ANKRD30A: variants seen among roughly 807,000 people sequenced by gnomAD.
ANKRD30A encodes ankyrin repeat domain 30A, also known as ankyrin repeat domain-containing protein 30A.
A neutral mutation model predicts 166.3 loss-of-function variants in ANKRD30A; 170 were observed. The ratio of observed to expected loss-of-function variants is 1.02; its 90% CI spans 0.90 to 1.16. The LOEUF (loss-of-function observed/expected upper bound fraction) is 1.16, where lower values mean the gene tolerates loss of function less well. Among genes scored for constraint, ANKRD30A ranks in the 50% most tolerant of loss-of-function variants. The pLI is 0.00. For synonymous variants in ANKRD30A, 564 were observed against 508.9 expected, an observed-to-expected ratio of 1.11 and a Z score of -1.46; for missense variants, 1,630 against 1,518.0, an observed-to-expected ratio of 1.07 and a Z score of -1.23.
chr10:37,128,416 A>G (rs1269111193), intron 1 of ANKRD30A, among the ~76,000 whole-genome samples: 2 of 151,970 alleles, frequency 1.3e-5, no homozygotes, highest in East Asian at 3.8e-4. Context: ...AACTTTTAGC[A>G]TCTTCAGAAG....
At chr10:37,264,093 T>G in the ANKRD30A span, among the ~76,000 whole-genome samples, 4 of 152,000 alleles carry the variant, frequency 2.6e-5, no homozygotes, top group African/African-American at 9.7e-5. Flanking sequence ...TTAAAAACAG[T>G]TTTTGCAAAT....
At chr10:37,183,194 GTCC>G (rs1840151602) in intron 24 of ANKRD30A, among the ~76,000 whole-genome samples, 1 of 149,106 alleles carries the variant, frequency 6.7e-6, no homozygotes, top group Non-Finnish European at 1.5e-5. Flanking sequence ...AATTGGAAAA[GTCC>G]TACTTTCCAA....
intron 11 of ANKRD30A, among the ~76,000 whole-genome samples, chr10:37,150,587 A>G (rs116106494): frequency 0.02 from 3,042 of 152,162 alleles, 89 homozygotes; most frequent in African/African-American, 0.068. Flanking sequence ...TTCAACTTCT[A>G]ATGCATACAT....
intron 19 of ANKRD30A, among the ~76,000 whole-genome samples, chr10:37,167,481 C>G (rs576796201): frequency 4.8e-4 from 73 of 151,346 alleles, no homozygotes; most frequent in Non-Finnish European, 8.4e-4. Context: ...AACCATAAAA[C>G]TCTGAATTTA....
chr10:37,197,954 TTA>T (rs1225682603), intron 29 of ANKRD30A, among the ~76,000 whole-genome samples: 2 of 151,854 alleles, frequency 1.3e-5, no homozygotes, highest in Non-Finnish European at 2.9e-5. Context: ...CTCTGTGTGT[TTA>T]TGTGTGTGTG....
intron 31 of ANKRD30A, among the ~76,000 whole-genome samples, chr10:37,205,009 A>G (rs1841897480): frequency 6.6e-6 from 1 of 152,158 alleles, no homozygotes; most frequent in Non-Finnish European, 1.5e-5. Context: ...TGGGAGTGTA[A>G]ACTAGTTCAA....
chr10:37,224,037 A>G (rs1588956543), intron 34 of ANKRD30A, among the ~76,000 whole-genome samples: 2 of 151,492 alleles, frequency 1.3e-5, no homozygotes, highest in East Asian at 3.9e-4. Flanking sequence ...TTGATAATTA[A>G]ACAAATTATT....
chr10:37,241,657 A>T, the ANKRD30A span, among the ~76,000 whole-genome samples: 2 of 152,136 alleles, frequency 1.3e-5, no homozygotes, highest in Non-Finnish European at 2.9e-5. Flanking sequence ...TCATTTTGGT[A>T]TATTAGTACT....
At chr10:37,161,257 T>G (rs549172770) in intron 15 of ANKRD30A, among the ~76,000 whole-genome samples, 26 of 152,124 alleles carry the variant, frequency 1.7e-4, no homozygotes, top group African/African-American at 3.6e-4. Flanking sequence ...AGACATAACA[T>G]GGTCAGGAGA....
intron 31 of ANKRD30A, among the ~76,000 whole-genome samples, chr10:37,210,566 A>G (rs1371127536): frequency 1.3e-5 from 2 of 152,102 alleles, no homozygotes; most frequent in Non-Finnish European, 2.9e-5. Flanking sequence ...TGGTTGAACT[A>G]ATTTTCACTC....
chr10:37,126,971 C>T (rs1217262390), intron 1 of ANKRD30A, among the ~76,000 whole-genome samples: 1 of 135,670 alleles, frequency 7.4e-6, no homozygotes, highest in South Asian at 2.4e-4. Context: ...CGCTTGAACC[C>T]GGTAGGCGGA....
At position 37,199,773 on chromosome 10, in the gene ANKRD30A, T is replaced by A; in HGVS notation, c.2763T>A (p.Asn921Lys). 6.4e-7 allele frequency: 1 copy of A among 1,572,742 alleles called. No individual in the cohort carries two copies. The highest frequency in any genetic ancestry group is 2.3e-5 in the East Asian group (1 of 44,278). ...CAAAACAAAAGAAGGTTGAAGAAAA[T>A]TCTTGGGATTCTGAGGTACTATGTG... ...SESKQKKVEE[N>K]SWDSESLRET... Residue 921 changes from asparagine to lysine, a missense_variant, in exon 30 of 36, where the codon AAT (asparagine) becomes AAA (lysine). Transcript: ENST00000361713.
intron 31 of ANKRD30A, among the ~76,000 whole-genome samples, chr10:37,207,691 G>A (rs1842070377): frequency 6.6e-6 from 1 of 151,314 alleles, no homozygotes. Flanking sequence ...ATATATTGGT[G>A]CATTAGAAAG....
the ANKRD30A span, among the ~76,000 whole-genome samples, chr10:37,241,625 T>C: frequency 6.6e-6 from 1 of 152,128 alleles, no homozygotes; most frequent in Non-Finnish European, 1.5e-5. Context: ...ATTACAGTGA[T>C]AGATTTAGAT....
intron 32 of ANKRD30A, 66 bp downstream of exon 32, chr10:37,216,460 T>C: frequency 7.0e-7 from 1 of 1,421,510 alleles, no homozygotes; most frequent in Non-Finnish European, 9.5e-7. Context: ...GGATACTTTT[T>C]GTAATAGCTG....
the ANKRD30A span, among the ~76,000 whole-genome samples, chr10:37,242,840 A>G: frequency 6.6e-6 from 1 of 152,230 alleles, no homozygotes; most frequent in Non-Finnish European, 1.5e-5. Context: ...TCACTGCAAC[A>G]GTACCAGGTG....
Position 37,165,096 on chromosome 10 carries a change from G to A in ANKRD30A, c.2005G>A (p.Glu669Lys), listed in dbSNP as rs150774137. 2 of 1,607,758 alleles carry A rather than the reference G, an allele frequency of 1.2e-6. No homozygotes were observed. Among genetic ancestry groups the A allele is most frequent in the South Asian group, 1.1e-5 (1 of 90,944 alleles). ...TATCTGTGATTAACCTTTTATAGAT[G>A]AGATACTCCCATCAGAATCCAAACA... is the stretch of plus-strand genomic sequence containing the variant. ...LKNEQTLRAD[E>K]ILPSESKQKD... Residue 669 changes from glutamate to lysine, a missense_variant and splice_region_variant, in exon 18 of 36, where the codon GAG (glutamate) becomes AAG (lysine). By Grantham distance (56) the Glu-to-Lys change is moderately conservative. Transcript: ENST00000361713.
intron 7 of ANKRD30A, among the ~76,000 whole-genome samples, 177 bp downstream of exon 7, chr10:37,142,467 C>A (rs1238370951): frequency 6.6e-6 from 1 of 150,860 alleles, no homozygotes; most frequent in Non-Finnish European, 1.5e-5. Context: ...TGGAAAAATT[C>A]TCACAATTCT....
At chr10:37,232,698 A>ATATATATAT (rs1843493731), downstream of ANKRD30A, 1 of 1,404 alleles carries the variant, frequency 7.1e-4, no homozygotes, top group Non-Finnish European at 2.7e-3. Flanking sequence ...ATATATAAAT[A>ATATATATAT]GAGAGAGAGA....
Sources: allele counts gnomAD v4.1 joint callset (sites outside exome capture counted in the v4.1 genomes callset), GRCh38; gene constraint gnomAD v4.1.1; transcripts MANE v1.5; gene names NCBI Gene and HGNC (gene_info 2026-07-23, HGNC 2026-07-21).